Variants in THOC2 observed in about 807,000 individuals in gnomAD.
The protein encoded by THOC2 is THO complex 2.
In THOC2, 10 loss-of-function variants were observed where a neutral mutation model predicts 128.4. The ratio of observed to expected loss-of-function variants is 0.08; its 90% confidence interval spans 0.05 to 0.13. The LOEUF is 0.13. Ranked by LOEUF, THOC2 falls within the 10% of genes least tolerant of loss-of-function variation. THOC2 has a pLI of 1.00. For missense variants in THOC2, 535 were observed against 1,155.7 expected (o/e 0.46, Z 7.79); for synonymous variants, 393 against 396.9 (o/e 0.99, Z 0.12).
At chrX:123,656,517 T>C (rs755893341) in intron 12 of THOC2, among the ~76,000 whole-genome samples, 3 of 110,569 alleles carry the variant, frequency 2.7e-5, no homozygotes, top group Non-Finnish European at 3.8e-5. Flanking sequence ...TAGACCAGCC[T>C]AGCCAACATG....
intron 12 of THOC2, among the ~76,000 whole-genome samples, chrX:123,660,128 G>A (rs923897754): frequency 9.0e-6 from 1 of 111,631 alleles, no homozygotes; most frequent in Non-Finnish European, 1.9e-5. Context: ...CTTCCCTTCT[G>A]CCCTTCATCT....
At chrX:123,662,609 A>T (rs1603283999) in intron 12 of THOC2, among the ~76,000 whole-genome samples, 1 of 102,155 alleles carries the variant, frequency 9.8e-6, no homozygotes, top group Non-Finnish European at 2.0e-5. Context: ...AAAAAAAAAA[A>T]TACTACTAAA....
intron 12 of THOC2, among the ~76,000 whole-genome samples, chrX:123,647,148 G>C (rs1186590758): frequency 9.0e-6 from 1 of 111,166 alleles, no homozygotes; most frequent in Non-Finnish European, 1.9e-5. Context: ...TTTGAAAAGG[G>C]GAAAGAAATA....
At chrX:123,713,424 A>C (rs1333099116) in intron 1 of THOC2, among the ~76,000 whole-genome samples, 4 of 107,221 alleles carry the variant, frequency 3.7e-5, no homozygotes, top group African/African-American at 1.4e-4. Context: ...GCAGTGAGCC[A>C]AGATCGCGCC....
chrX:123,614,334 G>T, intron 33 of THOC2, 145 bp from the exon 34 acceptor site: 1 of 420,909 alleles, frequency 2.4e-6, no homozygotes, highest in Non-Finnish European at 3.8e-6. Flanking sequence ...TAAAATAAAA[G>T]GGCATGGCAC....
At chrX:123,631,544 G>A (rs1013534999) in intron 22 of THOC2, 144 bp downstream of exon 22, 14 of 587,119 alleles carry the variant, frequency 2.4e-5, no homozygotes, top group South Asian at 6.2e-5. Flanking sequence ...ACACAGCTTC[G>A]TACCCCTATT....
At chrX:123,641,716 A>T (rs2047920164) in intron 15 of THOC2, among the ~76,000 whole-genome samples, 1 of 111,540 alleles carries the variant, frequency 9.0e-6, no homozygotes. Context: ...ACAAACAAAC[A>T]AAAATTAAAG....
At chrX:123,684,648 A>G (rs2049932736) in intron 8 of THOC2, among the ~76,000 whole-genome samples, 1 of 112,009 alleles carries the variant, frequency 8.9e-6, no homozygotes, top group Admixed American at 9.4e-5. Flanking sequence ...TCAGCCTCCC[A>G]AAGTGCTGGG....
In THOC2 at chrX:123,611,021, C is replaced by T. The variant is rs2046681775; in HGVS notation, c.4755-58G>A. On this transcript the variant is annotated intron_variant, in intron 37 of 38. Transcript: ENST00000245838. The stretch of plus-strand genomic sequence containing the variant: ...GGAATGGCGGAAAGAACAGCATCTC[C>T]CCTTTTAGTACAGCACCTCAGGTTG... 21 of 1,107,413 alleles carry T rather than the reference C, an allele frequency of 1.9e-5. No homozygotes were observed. In the South Asian group the frequency reaches 4.0e-4, roughly 21 times the overall value. 91.3% of individuals were successfully genotyped at this position (1,107,413 alleles called of 1,213,427 possible).
intron 22 of THOC2, among the ~76,000 whole-genome samples, chrX:123,629,004 C>T (rs1351771802): frequency 9.2e-6 from 1 of 108,928 alleles, no homozygotes; most frequent in East Asian, 2.8e-4. Flanking sequence ...CTGGTTTATC[C>T]TAATTTGGGG....
At chrX:123,684,082 G>A (rs28536593) in intron 8 of THOC2, among the ~76,000 whole-genome samples, 4 of 110,143 alleles carry the variant, frequency 3.6e-5, no homozygotes, top group African/African-American at 1.3e-4. Flanking sequence ...TGACCCCCCC[G>A]GGTATATTTT....
Position 123,623,929 on chromosome X carries a change from T to G in THOC2, c.3361A>C (p.Arg1121=). Residue 1121 remains arginine (R), a synonymous_variant, in exon 28 of 39, where the codon AGG becomes CGG. Coordinates refer to ENST00000245838, the MANE Select transcript of THOC2 (RefSeq NM_001081550.2). The part of the protein sequence containing the change: ...CLETGEYTHI[R]NILIVLTKIL... ...TTTGTTAGCACAATCAAGATATTCC[T>G]GATGTGAGTATATTCGCCTGTTTCA... The G allele has an allele frequency of 8.3e-7, 1 of 1,207,461 alleles. No homozygotes were observed. Among genetic ancestry groups the G allele is most frequent in the East Asian group, 3.0e-5 (1 of 33,836 alleles).
At chrX:123,622,981 A>G in intron 29 of THOC2, 121 bp from the exon 30 acceptor site, 1 of 847,865 alleles carries the variant, frequency 1.2e-6, no homozygotes, top group Non-Finnish European at 1.7e-6. Flanking sequence ...CTTAACGCTT[A>G]TATACTCCTA....
In THOC2 at chrX:123,613,602, C is replaced by T. The variant is rs754442438; in HGVS notation, c.4519+37G>A. ...CATGAAAGCCTTTTCCAATTCACTT[C>T]GATGATATCTTCAAAGATATGAATA... On this transcript the variant is annotated intron_variant, in intron 35 of 38. Coordinates refer to ENST00000245838, the MANE Select transcript of THOC2 (RefSeq NM_001081550.2). 2.4e-4 allele frequency: 289 copies of T among 1,202,095 alleles called. 1 individual carries two copies. In the South Asian group the frequency reaches 4.6e-3, roughly 19 times the overall value.
chrX:123,716,050 AAC>A (rs1305253354), intron 1 of THOC2, among the ~76,000 whole-genome samples: 1 of 111,547 alleles, frequency 9.0e-6, no homozygotes, highest in East Asian at 2.8e-4. Flanking sequence ...GCCTCTTATA[AAC>A]ACAGATGAAA....
chrX:123,613,323 A>G, intron 36 of THOC2, 76 bp downstream of exon 36: 2 of 1,056,761 alleles, frequency 1.9e-6, no homozygotes, highest in Non-Finnish European at 2.6e-6. Context: ...CTAGGAAAAA[A>G]ATTCAATATT....
At chrX:123,630,729 C>A (rs901279005) in intron 22 of THOC2, among the ~76,000 whole-genome samples, 2 of 109,959 alleles carry the variant, frequency 1.8e-5, no homozygotes. Flanking sequence ...TACATTTTCA[C>A]TCTCTCAACG....
intron 23 of THOC2, 31 bp downstream of exon 23, chrX:123,627,662 T>C: frequency 8.4e-7 from 1 of 1,192,442 alleles, no homozygotes; most frequent in Non-Finnish European, 1.1e-6. Context: ...CATAAAGTTA[T>C]TGCACTTGAA....
intron 15 of THOC2, among the ~76,000 whole-genome samples, chrX:123,641,135 A>G (rs2047897136): frequency 8.9e-6 from 1 of 111,938 alleles, no homozygotes; most frequent in Admixed American, 9.5e-5. Flanking sequence ...AAGGTAAACA[A>G]TATTTTGAAA....
Sources: gnomAD v4.1 joint callset for allele counts (sites outside exome capture counted in the v4.1 genomes callset) on GRCh38, gnomAD v4.1.1 for gene constraint, MANE v1.5 for transcripts, NCBI Gene and HGNC (gene_info 2026-07-23, HGNC 2026-07-21) for gene names.